TRMT6: variants seen among roughly 807,000 people sequenced by gnomAD.
TRMT6 encodes the protein tRNA (adenine(58)-N(1))-methyltransferase non-catalytic subunit TRM6.
A neutral mutation model predicts 59.0 loss-of-function variants in TRMT6; 34 were observed. The ratio of observed to expected loss-of-function variants is 0.58; its 90% CI spans 0.44 to 0.77. The LOEUF is 0.77. TRMT6 is among the 30% of genes least tolerant of loss of function. The pLI, the probability that TRMT6 is intolerant of heterozygous loss-of-function variation, is 0.00. For synonymous variants in TRMT6, 217 were observed against 210.5 expected (o/e 1.03, Z -0.27); for missense variants, 575 against 604.5 (o/e 0.95, Z 0.51).
Position 5,941,314 on chromosome 20 carries a change from G to A in TRMT6, c.1144C>T (p.Pro382Ser). 1 of 1,614,162 alleles carries A rather than the reference G, an allele frequency of 6.2e-7. No homozygotes were observed. Among genetic ancestry groups the A allele is most frequent in the South Asian group, 1.1e-5 (1 of 91,086 alleles). Residue 382 changes from proline (P) to serine (S), a missense_variant, in exon 9 of 11, where the codon CCC (proline) becomes TCC (serine). Coordinates refer to ENST00000203001, the MANE Select transcript of TRMT6 (RefSeq NM_015939.5). ...AAGTCCAGCAAAGACAGCAGCAGGG[G>A]AGTGGGGTGGAAACGACTAGCTACA... ...LIVASRFHPT[P>S]LLLSLLDFVA... is the part of the protein sequence containing the mutation.
Position 5,950,502 on chromosome 20 carries a change from G to A in TRMT6, c.-97C>T. The A allele has an allele frequency of 7.2e-7, 1 of 1,385,062 alleles. No homozygotes were observed. The allele number at this position is 1,385,062 out of a possible 1,614,324, so 85.8% of individuals were successfully genotyped here. ...CTTCCCACAACCTGGCGCACTAGGA[G>A]CCCTCCGACCGGCACCGCCCCCACG... On this transcript the variant is annotated 5_prime_UTR_variant, in exon 1 of 11. Coordinates refer to ENST00000203001, the MANE Select transcript of TRMT6 (RefSeq NM_015939.5).
Position 5,941,110 on chromosome 20 carries a change from C to T in TRMT6, c.1245G>A (p.Arg415=). ...EPLLECYTKL[R]ERGGVINLRL... ...TGAGGTTGATGACCCCTCCCCTCTC[C>T]CGCAGTTTTGTGTAGCATTCCAACA... Residue 415 remains arginine, a synonymous_variant, in exon 10 of 11, where the codon CGG becomes CGA. Transcript: ENST00000203001. 1 of 1,614,210 alleles carries T rather than the reference C, an allele frequency of 6.2e-7. No individual in the cohort carries two copies. The highest frequency in any genetic ancestry group is 8.5e-7 in the Non-Finnish European group (1 of 1,180,024).
chr20:5,943,960 G>A lies in TRMT6; in HGVS notation c.530C>T (p.Pro177Leu). The change falls in exon 5 of 11, where the codon CCT becomes CTT. Residue 177 changes from proline (P) to leucine (L), a missense_variant. By Grantham distance (98) the Pro-to-Leu change is moderately conservative. Coordinates refer to ENST00000203001, the MANE Select transcript of TRMT6 (RefSeq NM_015939.5). ...ILSIMYYARE[P>L]GKINHMRYDT... ...AAACAAAGCGTACTTAATTTTTCCA[G>A]GTTCTCTTGCATAATACATAATTGA... is the stretch of plus-strand genomic sequence containing the variant. 1 of 1,608,396 alleles carries A rather than the reference G, an allele frequency of 6.2e-7. No individual in the cohort carries two copies. Among genetic ancestry groups the A allele is most frequent in the Non-Finnish European group, 8.5e-7 (1 of 1,178,116 alleles).
intron 10 of TRMT6, 130 bp from the exon 11 acceptor site, chr20:5,938,856 T>C: frequency 1.3e-6 from 1 of 786,720 alleles, no homozygotes; most frequent in Non-Finnish European, 1.9e-6. Flanking sequence ...TTTTTTTTTC[T>C]TTCTTTTCTT....
intron 4 of TRMT6, 60 bp downstream of exon 4, chr20:5,944,102 T>C: frequency 4.4e-6 from 6 of 1,350,182 alleles, no homozygotes; most frequent in Non-Finnish European, 5.0e-6. Context: ...ATAAAATGTA[T>C]ATTTTATAAA....
rs1032119965 is a variant in TRMT6, at chr20:5,942,603, A to C, written c.851T>G (p.Leu284Trp). Reference protein sequence around the residue: ...MLSSEPKDSALVEESNGTLEE... With the variant: ...MLSSEPKDSAWVEESNGTLEE... Reference sequence around the variant, plus strand: ...CAGTGTGCCATTACTTTCTTCAACCAAAGCACTGTCTTTTGGCTCTGAAGA... The same window carrying C: ...CAGTGTGCCATTACTTTCTTCAACCCAAGCACTGTCTTTTGGCTCTGAAGA... The change falls in exon 7 of 11, where the codon TTG becomes TGG. Residue 284 changes from leucine (L) to tryptophan (W), a missense_variant. Physicochemically the swap from Leu to Trp is moderately conservative, Grantham distance 61 (BLOSUM62 -2). Coordinates refer to ENST00000203001, the MANE Select transcript of TRMT6 (RefSeq NM_015939.5). 1 of 1,614,016 alleles carries C rather than the reference A, an allele frequency of 6.2e-7. No homozygotes were observed. The highest frequency in any genetic ancestry group is 8.5e-7 in the Non-Finnish European group (1 of 1,180,036).
chr20:5,943,624 T>C lies in TRMT6; in HGVS notation c.602A>G (p.Asn201Ser). The change falls in exon 6 of 11, where the codon AAC becomes AGC. Residue 201 changes from asparagine to serine, a missense_variant. Physicochemically the swap from Asn to Ser is conservative, Grantham distance 46 (BLOSUM62 1). Transcript: ENST00000203001. Reference sequence around the variant, plus strand: ...ACACGTTTCCATCACAATCATTTTGTTGCCAGCACGGATATTTCCCAACGT... The same window carrying C: ...ACACGTTTCCATCACAATCATTTTGCTGCCAGCACGGATATTTCCCAACGT... ...MLTLGNIRAG[N>S]KMIVMETCAG... 6.2e-7 allele frequency: 1 copy of C among 1,614,246 alleles called. No individual in the cohort carries two copies. The highest frequency in any genetic ancestry group is 8.5e-7 in the Non-Finnish European group (1 of 1,180,040).
At position 5,944,195 on chromosome 20, in the gene TRMT6, G is replaced by C. The variant is rs1029143172; in HGVS notation, c.425C>G (p.Ala142Gly). ...STTFRDKTEF[A>G]QDKYIKKKKK... ...CTTCTTTTTAATATATTTATCTTGGGCAAATTCTGTCTTGTCTCGGAATGT... is the reference window on the plus strand; with the variant it reads ...CTTCTTTTTAATATATTTATCTTGGCCAAATTCTGTCTTGTCTCGGAATGT... The change falls in exon 4 of 11, where the codon GCC becomes GGC. Residue 142 changes from alanine to glycine, a missense_variant. Transcript: ENST00000203001. 6.4e-7 allele frequency: 1 copy of C among 1,562,108 alleles called. No homozygotes were observed.
intron 6 of TRMT6, among the ~76,000 whole-genome samples, chr20:5,943,215 C>T (rs1284244657): frequency 6.6e-6 from 1 of 152,192 alleles, no homozygotes; most frequent in Non-Finnish European, 1.5e-5. Context: ...TCTTCCCACT[C>T]AATCCCTTCA....
intron 2 of TRMT6, 55 bp downstream of exon 2, chr20:5,946,351 A>G: frequency 6.2e-7 from 1 of 1,610,038 alleles, no homozygotes; most frequent in African/African-American, 1.3e-5. Flanking sequence ...GGAGGCTGAG[A>G]TGTTTCTGAC....
chr20:5,938,751 A>C, intron 10 of TRMT6, 25 bp from the exon 11 acceptor site: 1 of 1,606,466 alleles, frequency 6.2e-7, no homozygotes. Context: ...AAAGACATTC[A>C]TGCTTTCCTA....
intron 6 of TRMT6, 85 bp downstream of exon 6, chr20:5,943,474 T>C: frequency 6.4e-7 from 1 of 1,552,778 alleles, no homozygotes; most frequent in Non-Finnish European, 8.8e-7. Flanking sequence ...TAATTCAATT[T>C]GGCTTTCCAT....
At position 5,946,399 on chromosome 20, in the gene TRMT6, T is replaced by C; in HGVS notation, c.256+7A>G. ...GAGCATCTATTTCACGCATCCAAAA[T>C]GTGCACCTGCAGTAGGCTCTTCCCT... On this transcript the variant is annotated splice_region_variant and intron_variant, in intron 2 of 10. Transcript: ENST00000203001. 1 of 1,614,128 alleles carries C rather than the reference T, an allele frequency of 6.2e-7. No individual in the cohort carries two copies.
intron 1 of TRMT6, among the ~76,000 whole-genome samples, chr20:5,948,225 C>T (rs2088724794): frequency 6.6e-6 from 1 of 152,164 alleles, no homozygotes; most frequent in Admixed American, 6.5e-5. Flanking sequence ...ATGCGTGTCA[C>T]TTAAAACTGG....
intron 1 of TRMT6, among the ~76,000 whole-genome samples, 160 bp downstream of exon 1, chr20:5,950,118 T>C (rs2088771805): frequency 6.6e-6 from 1 of 151,708 alleles, no homozygotes; most frequent in South Asian, 2.1e-4. Context: ...GGAAAAGCCT[T>C]CTGTGACAGA....
At chr20:5,944,491 A>G (rs577619210) in intron 3 of TRMT6, among the ~76,000 whole-genome samples, 171 of 152,372 alleles carry the variant, frequency 1.1e-3, no homozygotes, top group African/African-American at 3.9e-3. Flanking sequence ...CAACAAAAGG[A>G]GAAGAGAGGT....
chr20:5,948,225 CT>C (rs1284866965), intron 1 of TRMT6, among the ~76,000 whole-genome samples: 1 of 152,164 alleles, frequency 6.6e-6, no homozygotes, highest in African/African-American at 2.4e-5. Context: ...ATGCGTGTCA[CT>C]TAAAACTGGC....
intron 10 of TRMT6, among the ~76,000 whole-genome samples, chr20:5,940,311 A>G (rs1280016516): frequency 1.3e-5 from 2 of 152,194 alleles, no homozygotes; most frequent in African/African-American, 4.8e-5. Context: ...CTGAACTGAC[A>G]CAGAGCCCAC....
intron 1 of TRMT6, among the ~76,000 whole-genome samples, chr20:5,947,125 A>G (rs2088714484): frequency 6.6e-6 from 1 of 152,206 alleles, no homozygotes. Flanking sequence ...TCTTTCCAGA[A>G]GAGCAATCCG....
Sources: allele counts gnomAD v4.1 joint callset (sites outside exome capture counted in the v4.1 genomes callset), GRCh38; gene constraint gnomAD v4.1.1; transcripts MANE v1.5; gene names NCBI Gene and HGNC (gene_info 2026-07-23, HGNC 2026-07-21).